The following TASOR variants were observed in gnomAD, a reference collection of about 807,000 sequenced individuals.
TASOR encodes the protein protein TASOR.
Under a neutral mutation model 178.6 loss-of-function variants are expected in TASOR, and 53 were observed. That is an observed-to-expected ratio of 0.30 (90% CI 0.24 to 0.37). The LOEUF is 0.37. TASOR is among the 10% of genes least tolerant of loss of function. The pLI is 1.00. For synonymous variants in TASOR, 713 were observed against 696.2 expected, an observed-to-expected ratio of 1.02 and a Z score of -0.38; for missense variants, 1,815 against 1,971.4, an observed-to-expected ratio of 0.92 and a Z score of 1.50.
chr3:56,666,281 G>C lies in TASOR; in HGVS notation c.1001C>G (p.Pro334Arg). 1 of 1,539,450 alleles carries C rather than the reference G, an allele frequency of 6.5e-7. No homozygotes were observed. The change falls in exon 7 of 24, where the codon CCG becomes CGG. Residue 334 changes from proline (P) to arginine (R), a missense_variant. Around this residue, in one of 5 missense-constraint regions of TASOR, gnomAD observed 504 missense variants for 645.3 expected, o/e 0.78. Transcript: ENST00000683822. ...TTACCTTGATGAAGGTACAAACTTCGGAGTTTGTATATCATCTTTGTAAGT... is the reference window on the plus strand; with the variant it reads ...TTACCTTGATGAAGGTACAAACTTCCGAGTTTGTATATCATCTTTGTAAGT... ...SFTYKDDIQT[P>R]KFVPSSRSNS...
At position 56,682,593 on chromosome 3, in the gene TASOR, G is replaced by A. The variant is rs975684769; in HGVS notation, c.331+83C>T. On this transcript the variant is annotated intron_variant, in intron 1 of 23. Transcript: ENST00000683822. Reference sequence around the variant, plus strand: ...ATGCGTGTTTACGTATCTCGGATGGGTGTGGGAAGAGGAGATAGAAAGATT... The same window carrying A: ...ATGCGTGTTTACGTATCTCGGATGGATGTGGGAAGAGGAGATAGAAAGATT... The A allele has an allele frequency of 8.2e-5, 104 of 1,270,910 alleles. No individual in the cohort carries two copies. In the African/African-American group the frequency reaches 1.3e-3, roughly 16 times the overall value. The allele number at this position is 1,270,910 out of a possible 1,614,324, so 78.7% of individuals were successfully genotyped here. A position where few individuals can be genotyped will look rare whatever the true frequency, so the allele number is the denominator to read the frequency against.
At chr3:56,647,909 C>A (rs878988854) in intron 13 of TASOR, among the ~76,000 whole-genome samples, 1 of 152,156 alleles carries the variant, frequency 6.6e-6, no homozygotes, top group Admixed American at 6.5e-5. Flanking sequence ...TCATACAAAA[C>A]CCTCACAGAC....
chr3:56,664,891 C>G (rs1027358292), intron 7 of TASOR, among the ~76,000 whole-genome samples: 3 of 152,158 alleles, frequency 2.0e-5, no homozygotes, highest in Admixed American at 2.0e-4. Flanking sequence ...AAGAAATCAT[C>G]AGGCCAAGTG....
At chr3:56,678,177 A>ATTTT (rs533306611) in intron 1 of TASOR, among the ~76,000 whole-genome samples, 6,183 of 106,770 alleles carry the variant, frequency 0.058, 447 homozygotes, top group African/African-American at 0.064. Flanking sequence ...CACACTTATG[A>ATTTT]TTTTTTTTTT....
chr3:56,678,307 G>A (rs912519087), intron 1 of TASOR, among the ~76,000 whole-genome samples: 10 of 149,046 alleles, frequency 6.7e-5, no homozygotes, highest in Middle Eastern at 3.5e-3. Flanking sequence ...TCAGCCTCCC[G>A]AGCAGCTGGG....
At chr3:56,638,365 C>A (rs1396297789) in intron 17 of TASOR, among the ~76,000 whole-genome samples, 1 of 151,642 alleles carries the variant, frequency 6.6e-6, no homozygotes, top group Non-Finnish European at 1.5e-5. Flanking sequence ...GCTTCCATCT[C>A]AAAAAAACCA....
intron 11 of TASOR, among the ~76,000 whole-genome samples, chr3:56,657,661 G>A (rs920235887): frequency 6.6e-6 from 1 of 152,160 alleles, no homozygotes; most frequent in Non-Finnish European, 1.5e-5. Flanking sequence ...AAGTCCAGAG[G>A]TGCCAAGAAG....
intron 14 of TASOR, among the ~76,000 whole-genome samples, chr3:56,644,710 G>A (rs1243272645): frequency 1.3e-5 from 2 of 152,062 alleles, no homozygotes; most frequent in Admixed American, 6.6e-5. Flanking sequence ...AAGTCAGGAA[G>A]GCCACCAAAG....
chr3:56,681,199 T>G (rs183188729), intron 1 of TASOR, among the ~76,000 whole-genome samples: 1 of 152,102 alleles, frequency 6.6e-6, no homozygotes, highest in East Asian at 1.9e-4. Flanking sequence ...TAGTTCCACC[T>G]CCTACCTCAT....
rs2030299755 is a variant in TASOR at position 56,668,527 on chromosome 3, C to A, written c.767G>T (p.Gly256Val). The change falls in exon 6 of 24, where the codon GGT (glycine) becomes GTT (valine). Residue 256 changes from glycine to valine, a missense_variant. This residue lies in a region of TASOR where 504 missense variants were observed against 645.3 expected (regional missense o/e 0.78). Transcript: ENST00000683822. The stretch of plus-strand genomic sequence containing the variant: ...TAACATAGATTCCAAACTTTTTACA[C>A]CCATGGGGTCATATATACTCTTTAT... ...GKIKSIYDPM[G>V]VKSLESMLNK... 5 of 1,551,114 alleles carry A rather than the reference C, an allele frequency of 3.2e-6. No individual in the cohort carries two copies. The African/African-American group carries it at 5.5e-5, about 17-fold the overall frequency.
Position 56,624,541 on chromosome 3 carries a change from T to C in TASOR, c.4421A>G (p.Asn1474Ser), listed in dbSNP as rs140615577. 359 of 1,614,058 alleles carry C rather than the reference T, an allele frequency of 2.2e-4. No individual in the cohort carries two copies. The highest frequency in any genetic ancestry group is 4.8e-4 in the Admixed American group (29 of 60,010). The change falls in exon 23 of 24, where the codon AAT (asparagine) becomes AGT (serine). Residue 1474 changes from asparagine to serine, a missense_variant. Physicochemically the swap from Asn to Ser is conservative, Grantham distance 46. Around this residue, in one of 5 missense-constraint regions of TASOR, gnomAD observed 278 missense variants for 257.1 expected, o/e 1.08. Transcript: ENST00000683822. ...TGGAAGGTTTTCTTCTGTGATTGAA[T>C]TGTGATAGCCCACAAGATTTTTAAA... The part of the protein sequence containing the change: ...QNFKNLVGYH[N>S]SITEENLPQL...
intron 23 of TASOR, chr3:56,623,795 T>A (rs1227959762): frequency 6.4e-7 from 1 of 1,551,406 alleles, no homozygotes; most frequent in African/African-American, 1.4e-5. Flanking sequence ...CGTTTAATGT[T>A]GGGAAATCCC....
intron 2 of TASOR, 143 bp downstream of exon 2, chr3:56,673,433 CAAAA>C (rs5849162): frequency 0.023 from 4,392 of 193,654 alleles, 7 homozygotes; most frequent in South Asian, 0.066. Flanking sequence ...ACTCCGTCTC[CAAAA>C]AAAAAAAAAA....
rs2076284327 is a variant in TASOR at position 56,620,477 on chromosome 3, T to TTGATTCACTATATACTCTCTG, written c.*2539_*2559dup. On this transcript the variant is annotated 3_prime_UTR_variant, in exon 24 of 24. Coordinates refer to ENST00000683822, the MANE Select transcript of TASOR (RefSeq NM_001365635.2). ...TTAAAAAGAATGGCTGTAGTTAGTT[T>TTGATTCACTATATACTCTCTG]TGATTCACTATATACTCTCTGTACT... 1 of 152,452 alleles carries TTGATTCACTATATACTCTCTG rather than the reference T, an allele frequency of 6.6e-6. No homozygotes were observed. The highest frequency in any genetic ancestry group is 2.4e-5 in the African/African-American group (1 of 41,460). 9.4% of individuals were successfully genotyped at this position (152,452 alleles called of 1,614,324 possible).
chr3:56,681,704 A>G (rs2031806103), intron 1 of TASOR, among the ~76,000 whole-genome samples: 1 of 152,242 alleles, frequency 6.6e-6, no homozygotes, highest in Non-Finnish European at 1.5e-5. Flanking sequence ...AAGTTGTCTA[A>G]ATTCAGAATA....
intron 21 of TASOR, among the ~76,000 whole-genome samples, chr3:56,626,752 A>G (rs2076807985): frequency 6.6e-6 from 1 of 152,208 alleles, no homozygotes; most frequent in African/African-American, 2.4e-5. Flanking sequence ...TCAAAAAAAA[A>G]AAGAAAAAAA....
At position 56,633,335 on chromosome 3, in the gene TASOR, G is replaced by C; in HGVS notation, c.3456C>G (p.Ser1152=). ...TTTCTACTTCAGTTAAAGCCGAAGT[G>C]GAATGCTGCTCATCAGAGTTGGTAT... The part of the protein sequence containing the change: ...LKDTNSDEQH[S]TSALTEVEMN... The change falls in exon 18 of 24, where the codon TCC becomes TCG. Residue 1152 remains serine (S), a synonymous_variant. Coordinates refer to ENST00000683822, the MANE Select transcript of TASOR (RefSeq NM_001365635.2). The C allele has an allele frequency of 6.2e-7, 1 of 1,614,162 alleles. No homozygotes were observed. The highest frequency in any genetic ancestry group is 8.5e-7 in the Non-Finnish European group (1 of 1,180,030).
At chr3:56,645,748 G>A (rs999516837) in intron 14 of TASOR, among the ~76,000 whole-genome samples, 1 of 152,172 alleles carries the variant, frequency 6.6e-6, no homozygotes, top group Admixed American at 6.5e-5. Context: ...GGGTAGAAAA[G>A]AGTATGTGTA....
chr3:56,665,359 G>C lies in TASOR; in HGVS notation c.1022+901C>G, dbSNP rs140193716. ...CACAAAATCTCACTTTTTTGTTGTTGTTGTTGTTTAAATACAGACGAAGTC... is the reference window on the plus strand; with the variant it reads ...CACAAAATCTCACTTTTTTGTTGTTCTTGTTGTTTAAATACAGACGAAGTC... On this transcript the variant is annotated intron_variant, in intron 7 of 23. Coordinates refer to ENST00000683822, the MANE Select transcript of TASOR (RefSeq NM_001365635.2). 6.7e-3 allele frequency among the ~76,000 whole-genome samples: 1,014 copies of C among 152,056 alleles called. 15 individuals carry two copies. Among genetic ancestry groups the C allele is most frequent in the African/African-American group, 0.023 (950 of 41,524 alleles).
Sources: gnomAD v4.1 joint callset for allele counts (sites outside exome capture counted in the v4.1 genomes callset) on GRCh38, gnomAD v4.1.1 for gene constraint, gnomAD v4.1.1 regional missense constraint, MANE v1.5 for transcripts, NCBI Gene and HGNC (gene_info 2026-07-23, HGNC 2026-07-21) for gene names.